PTPN2: variants seen among roughly 807,000 people sequenced by gnomAD.
PTPN2 encodes tyrosine-protein phosphatase non-receptor type 2.
A neutral mutation model predicts 57.3 loss-of-function variants in PTPN2; 19 were observed. The ratio of observed to expected loss-of-function variants is 0.33; its 90% confidence interval spans 0.23 to 0.49. The LOEUF is 0.49. Ranked by LOEUF, PTPN2 falls within the 20% of genes least tolerant of loss-of-function variation. The pLI is 0.99. For missense variants in PTPN2, 358 were observed against 501.1 expected, an observed-to-expected ratio of 0.71 and a Z score of 2.73; for synonymous variants, 153 against 164.9, an observed-to-expected ratio of 0.93 and a Z score of 0.55.
intron 8 of PTPN2, among the ~76,000 whole-genome samples, chr18:12,797,635 T>TA (rs2041242995): frequency 6.6e-6 from 1 of 152,222 alleles, no homozygotes; most frequent in African/African-American, 2.4e-5. Flanking sequence ...CGATTTGTGA[T>TA]AAAATCTTTT....
At chr18:12,874,529 A>G (rs1265428577) in intron 1 of PTPN2, among the ~76,000 whole-genome samples, 21 of 52,600 alleles carry the variant, frequency 4.0e-4, no homozygotes, top group South Asian at 1.1e-3. Context: ...GTCCGGGAGG[A>G]AGGTGGGGGG....
chr18:12,884,046 C>A, intron 1 of PTPN2, 27 bp downstream of exon 1: 1 of 1,549,880 alleles, frequency 6.5e-7, no homozygotes, highest in Admixed American at 1.9e-5. Context: ...AGGAGGTCGG[C>A]GACTGCCGCG....
Position 12,870,460 on chromosome 18 carries a change from T to TAGAG in PTPN2, c.70-11207_70-11206insCTCT, listed in dbSNP as rs1363329441. On this transcript the variant is annotated intron_variant, in intron 1 of 8. Transcript: ENST00000309660. ...ATATGTGTATATATATATATATATA[T>TAGAG]ATAGAGAGAGAGAGAGAGAGAGAGA... 4.8e-3 allele frequency among the ~76,000 whole-genome samples: 115 copies of TAGAG among 24,094 alleles called. 4 individuals carry two copies. The highest frequency in any genetic ancestry group is 6.7e-3 in the Admixed American group (9 of 1,348). 15.8% of individuals were successfully genotyped at this position (24,094 alleles called of 152,430 possible).
chr18:12,818,380 T>C (rs2145322236), intron 5 of PTPN2, among the ~76,000 whole-genome samples: 1 of 152,332 alleles, frequency 6.6e-6, no homozygotes, highest in African/African-American at 2.4e-5. Flanking sequence ...TAATTTCCAA[T>C]CCTAAAGCTG....
chr18:12,876,860 G>T (rs2145538981), intron 1 of PTPN2, among the ~76,000 whole-genome samples: 1 of 152,282 alleles, frequency 6.6e-6, no homozygotes, highest in South Asian at 2.1e-4. Flanking sequence ...GTCCCAAAAT[G>T]ACCCTACCTA....
At chr18:12,826,709 C>T (rs2042474194) in intron 4 of PTPN2, among the ~76,000 whole-genome samples, 1 of 152,048 alleles carries the variant, frequency 6.6e-6, no homozygotes, top group East Asian at 2.0e-4. Context: ...GCTGGGATTA[C>T]AGGCGTCTGC....
At chr18:12,843,749 T>G (rs1360685404) in intron 2 of PTPN2, among the ~76,000 whole-genome samples, 1 of 152,256 alleles carries the variant, frequency 6.6e-6, no homozygotes, top group Non-Finnish European at 1.5e-5. Flanking sequence ...CAGGGCCTAG[T>G]TCCAGAAGGC....
At chr18:12,861,251 ACT>A (rs1418198216) in intron 1 of PTPN2, among the ~76,000 whole-genome samples, 1 of 152,336 alleles carries the variant, frequency 6.6e-6, no homozygotes, top group African/African-American at 2.4e-5. Flanking sequence ...GATATAAGAC[ACT>A]GTTATTAGCC....
In PTPN2 at chr18:12,792,307, G is replaced by C. The variant is rs1191889572; in HGVS notation, c.*1971C>G. ...CTTTTTTTTTTTTTTTTTTTGAGAC[G>C]AAGTCTTGCTCTGTTGCCAGGCTGG... is the stretch of plus-strand genomic sequence containing the variant. On this transcript the variant is annotated 3_prime_UTR_variant, in exon 9 of 9. Coordinates refer to ENST00000309660, the MANE Select transcript of PTPN2 (RefSeq NM_002828.4). The C allele has an allele frequency of 2.7e-6, 2 of 743,478 alleles. No homozygotes were observed. Among genetic ancestry groups the C allele is most frequent in the Non-Finnish European group, 3.2e-6 (2 of 623,566 alleles). The allele number at this position is 743,478 out of a possible 1,614,324, so 46.1% of individuals were successfully genotyped here.
At chr18:12,870,798 C>T (rs1370593028) in intron 1 of PTPN2, among the ~76,000 whole-genome samples, 2 of 151,746 alleles carry the variant, frequency 1.3e-5, no homozygotes, top group African/African-American at 4.8e-5. Flanking sequence ...AGTGAGCCAC[C>T]GCGCCCGGCA....
chr18:12,792,212 ATAATT>A lies in PTPN2; in HGVS notation c.*2061_*2065del. 4 of 942,634 alleles carry A rather than the reference ATAATT, an allele frequency of 4.2e-6. No individual in the cohort carries two copies. The highest frequency in any genetic ancestry group is 5.1e-6 in the Non-Finnish European group (4 of 790,314). The allele number at this position is 942,634 out of a possible 1,614,324, so 58.4% of individuals were successfully genotyped here. ...TACATCCTGCTTTCATACTTTCAAC[ATAATT>A]TAACACATTCAAGGAGACTATGCAA... On this transcript the variant is annotated 3_prime_UTR_variant, in exon 9 of 9. Transcript: ENST00000309660.
chr18:12,815,129 TAAATAAAAA>T (rs1598771247), intron 6 of PTPN2, among the ~76,000 whole-genome samples: 2 of 125,524 alleles, frequency 1.6e-5, no homozygotes, highest in East Asian at 4.7e-4. Flanking sequence ...AATAAATAAA[TAAATAAAAA>T]TGTGGTGGGT....
chr18:12,840,741 C>T (rs2043017000), intron 2 of PTPN2: 1 of 1,598,478 alleles, frequency 6.3e-7, no homozygotes, highest in East Asian at 2.2e-5. Context: ...CATTCCATGT[C>T]TCCCTGATCC....
chr18:12,853,056 T>G (rs1363507398), intron 2 of PTPN2, among the ~76,000 whole-genome samples: 1 of 152,226 alleles, frequency 6.6e-6, no homozygotes, highest in Non-Finnish European at 1.5e-5. Context: ...TACCATAAAT[T>G]ATTCGATACA....
rs571477729 is a variant in PTPN2 at position 12,786,107 on chromosome 18, G to C, written c.1143-263C>G. 18 of 475,632 alleles carry C rather than the reference G, an allele frequency of 3.8e-5. No homozygotes were observed. In the East Asian group the frequency reaches 6.9e-4, roughly 18 times the overall value. The allele number at this position is 475,632 out of a possible 1,614,324, so 29.5% of individuals were successfully genotyped here. On this transcript the variant is annotated intron_variant, in intron 9 of 9. Coordinates refer to the PTPN2 transcript ENST00000327283. ...ACTTATATTCTTCTTCAAGAATTAT[G>C]TGAATTCTTAAGGTCATCTTATTTT...
At chr18:12,868,426 T>C (rs953264908) in intron 1 of PTPN2, among the ~76,000 whole-genome samples, 1 of 151,878 alleles carries the variant, frequency 6.6e-6, no homozygotes, top group Non-Finnish European at 1.5e-5. Context: ...GGCTAATTTT[T>C]GTATTTTTTA....
intron 3 of PTPN2, among the ~76,000 whole-genome samples, chr18:12,834,337 A>AC (rs1432947838): frequency 2.6e-5 from 4 of 151,488 alleles, no homozygotes; most frequent in Non-Finnish European, 4.4e-5. Flanking sequence ...AAAAAAAAAA[A>AC]AAAAGAAAGT....
chr18:12,836,989 T>C (rs958568026), intron 2 of PTPN2, 98 bp from the exon 3 acceptor site: 1 of 747,204 alleles, frequency 1.3e-6, no homozygotes, highest in Non-Finnish European at 2.2e-6. Flanking sequence ...ACAGAAGAAA[T>C]AAGAAAAATG....
intron 1 of PTPN2, among the ~76,000 whole-genome samples, chr18:12,879,125 A>G (rs1421509094): frequency 6.6e-6 from 1 of 152,154 alleles, no homozygotes; most frequent in Non-Finnish European, 1.5e-5. Context: ...AACTTTTCCA[A>G]CTGCACCCTT....
Sources: gnomAD v4.1 joint callset for allele counts (sites outside exome capture counted in the v4.1 genomes callset) on GRCh38, gnomAD v4.1.1 for gene constraint, MANE v1.5 for transcripts, NCBI Gene and HGNC (gene_info 2026-07-23, HGNC 2026-07-21) for gene names.